CACNA1C: variants seen among roughly 807,000 people sequenced by gnomAD.
The protein encoded by CACNA1C is calcium voltage-gated channel subunit alpha1 C, also known as voltage-dependent L-type calcium channel subunit alpha-1C.
CACNA1C carries 30 observed loss-of-function variants against 229.0 expected under a neutral mutation model. The observed-to-expected ratio is 0.13, with a 90% confidence interval of 0.10 to 0.18. CACNA1C has a LOEUF of 0.18. Among genes scored for constraint, CACNA1C ranks in the 10% least tolerant of loss-of-function variants. CACNA1C has a pLI of 1.00. For missense variants in CACNA1C, 1,658 were observed against 2,845.0 expected, an observed-to-expected ratio of 0.58 and a Z score of 9.49; for synonymous variants, 1,114 against 1,132.5, an observed-to-expected ratio of 0.98 and a Z score of 0.33.
rs79530069 is a variant in CACNA1C at position 2,155,110 on chromosome 12, C to T, written c.477+34680C>T. Among the ~76,000 whole-genome samples the T allele has an allele frequency of 9.8e-4, 149 of 152,236 alleles. 3 individuals carry two copies. The East Asian group carries it at 0.022, about 23-fold the overall frequency. ...CATAATTCTCTTGCAATCCCACAGG[C>T]GCACACATACACAGAGGCGTCACAC... On this transcript the variant is annotated intron_variant, in intron 3 of 46. Transcript: ENST00000399655.
At chr12:2,517,648 G>C (rs2099800073) in intron 9 of CACNA1C, among the ~76,000 whole-genome samples, 1 of 152,186 alleles carries the variant, frequency 6.6e-6, no homozygotes, top group East Asian at 1.9e-4. Flanking sequence ...TCTAGTGACT[G>C]CTTCTCCCCT....
At chr12:2,245,263 C>G (rs1468903311) in intron 3 of CACNA1C, among the ~76,000 whole-genome samples, 2 of 152,222 alleles carry the variant, frequency 1.3e-5, no homozygotes. Context: ...GCTGAGTCCT[C>G]CCTCCAGGAA....
Position 2,566,669 on chromosome 12 carries a change from T to A in CACNA1C, c.1669+87T>A. ...GGAGGGCATAACCACAGGCAGAAGG[T>A]GGAGGGGAAAGCAGCCAATGGTCGG... On this transcript the variant is annotated intron_variant, in intron 12 of 46. Coordinates refer to ENST00000399655, the MANE Select transcript of CACNA1C (RefSeq NM_000719.7). The surrounding 1 kb of genome is among the most constrained non-coding windows in gnomAD (Gnocchi z 4.0). The A allele has an allele frequency of 8.4e-7, 1 of 1,187,620 alleles. No homozygotes were observed. Among genetic ancestry groups the A allele is most frequent in the Non-Finnish European group, 1.2e-6 (1 of 848,452 alleles). The allele number at this position is 1,187,620 out of a possible 1,614,324, so 73.6% of individuals were successfully genotyped here. A position where few individuals can be genotyped will look rare whatever the true frequency, so the allele number is the denominator to read the frequency against.
In CACNA1C at chr12:2,651,508, G is replaced by A. The variant is rs113160925; in HGVS notation, c.3946-132G>A. 4.9e-5 allele frequency: 67 copies of A among 1,371,782 alleles called. 1 individual carries two copies. Among genetic ancestry groups the A allele is most frequent in the African/African-American group, 4.6e-4 (32 of 70,148 alleles). 85.0% of individuals were successfully genotyped at this position (1,371,782 alleles called of 1,614,324 possible). ...GGCGGCCGCCCTCCCATCGGAGGGG[G>A]AAGTCTAGTGCAGCAAACCCTGGCC... is the stretch of plus-strand genomic sequence containing the variant. On this transcript the variant is annotated intron_variant, in intron 31 of 46. Transcript: ENST00000399655. The surrounding 1 kb of genome is among the most constrained non-coding windows in gnomAD (Gnocchi z 5.4).
chr12:2,650,044 C>T (rs544358529), intron 31 of CACNA1C, among the ~76,000 whole-genome samples: 73 of 152,296 alleles, frequency 4.8e-4, no homozygotes, highest in African/African-American at 1.7e-3. Context: ...CTCAGGTACC[C>T]GTGCAGCAGG....
rs1347379467 is a variant in CACNA1C at position 2,566,419 on chromosome 12, C to T, written c.1509-3C>T. 6.3e-7 allele frequency: 1 copy of T among 1,587,364 alleles called. No individual in the cohort carries two copies. Among genetic ancestry groups the T allele is most frequent in the East Asian group, 2.3e-5 (1 of 43,496 alleles). ...CACCCTTCTCTCCCTGTCCCCTTTC[C>T]AGCCGCTACTGGCGCCGGTGGAATC... On this transcript the variant is annotated splice_region_variant and splice_polypyrimidine_tract_variant and intron_variant, in intron 11 of 46. Transcript: ENST00000399655. The surrounding 1 kb of genome is among the most constrained non-coding windows in gnomAD (Gnocchi z 4.0).
Position 2,337,622 on chromosome 12 carries a change from T to C in CACNA1C, c.478-111354T>C, listed in dbSNP as rs377114591. Among the ~76,000 whole-genome samples the C allele has an allele frequency of 2.8e-3, 425 of 152,396 alleles. 3 individuals carry two copies. Among genetic ancestry groups the C allele is most frequent in the African/African-American group, 9.6e-3 (400 of 41,600 alleles). ...CTGAACTAAGCTGCTGACAAAATAC[T>C]GTCTCAGCCCTTTAATAATAATAGC... On this transcript the variant is annotated intron_variant, in intron 3 of 46. Transcript: ENST00000399655.
chr12:2,469,780 A>T (rs1215927078), intron 5 of CACNA1C, among the ~76,000 whole-genome samples: 3 of 152,184 alleles, frequency 2.0e-5, no homozygotes, highest in Admixed American at 6.5e-5. Context: ...AAATACTTTT[A>T]AAAAAATAAT....
intron 3 of CACNA1C, among the ~76,000 whole-genome samples, chr12:2,211,039 A>G (rs1294208448): frequency 6.6e-6 from 1 of 152,196 alleles, no homozygotes; most frequent in Non-Finnish European, 1.5e-5. Flanking sequence ...CATTCAAAAG[A>G]GTTCTATTCT....
intron 9 of CACNA1C, among the ~76,000 whole-genome samples, chr12:2,538,372 GGAAGCT>G (rs767269808): frequency 6.6e-6 from 1 of 152,164 alleles, no homozygotes; most frequent in Non-Finnish European, 1.5e-5. Flanking sequence ...AGAAGGTTCT[GGAAGCT>G]GATGGCACCT....
chr12:2,583,043 G>A (rs1229906987), intron 15 of CACNA1C, 101 bp downstream of exon 15: 1 of 809,268 alleles, frequency 1.2e-6, no homozygotes, highest in Admixed American at 2.1e-5. Context: ...GTCCTGCTCG[G>A]GCTCACACCA....
At chr12:2,140,854 C>T (rs959797507) in intron 3 of CACNA1C, among the ~76,000 whole-genome samples, 6 of 151,396 alleles carry the variant, frequency 4.0e-5, no homozygotes, top group Non-Finnish European at 5.9e-5. Flanking sequence ...CTTATGATGC[C>T]AGCCAATAAA....
chr12:2,367,760 T>C (rs757450457), intron 3 of CACNA1C, among the ~76,000 whole-genome samples: 12 of 152,164 alleles, frequency 7.9e-5, no homozygotes, highest in African/African-American at 2.4e-4. Context: ...CATAAGAGAA[T>C]GAATGCTATT....
intron 1 of CACNA1C, among the ~76,000 whole-genome samples, chr12:2,009,229 A>C (rs996702591): frequency 2.6e-5 from 4 of 152,224 alleles, no homozygotes; most frequent in Admixed American, 2.0e-4. Context: ...ATTTAAAACA[A>C]GTTTGTAGAA....
At chr12:2,106,473 A>G (rs2078663865) in intron 1 of CACNA1C, among the ~76,000 whole-genome samples, 1 of 90,412 alleles carries the variant, frequency 1.1e-5, no homozygotes. Flanking sequence ...TCCTGAAGCC[A>G]CTGGGAGCCC....
intron 3 of CACNA1C, among the ~76,000 whole-genome samples, chr12:2,177,630 C>CCT (rs1566165452): frequency 1.4e-5 from 1 of 70,698 alleles, no homozygotes; most frequent in Admixed American, 1.7e-4. Flanking sequence ...CCTTCCTTCT[C>CCT]TCTCTCTTTC....
chr12:2,554,335 CT>C (rs1228215628), intron 10 of CACNA1C, among the ~76,000 whole-genome samples: 2 of 152,188 alleles, frequency 1.3e-5, no homozygotes, highest in Non-Finnish European at 2.9e-5. Context: ...TGGATCTGTT[CT>C]GATGGTCTCA....
intron 9 of CACNA1C, among the ~76,000 whole-genome samples, chr12:2,517,591 C>T (rs1598662193): frequency 6.6e-6 from 1 of 152,206 alleles, no homozygotes; most frequent in East Asian, 1.9e-4. Context: ...GAGCCAAGCC[C>T]CTTTTCTCTC....
chr12:2,425,068 G>A (rs1855798316), intron 3 of CACNA1C, among the ~76,000 whole-genome samples: 2 of 152,264 alleles, frequency 1.3e-5, no homozygotes, highest in Admixed American at 1.3e-4. Flanking sequence ...GCTAATGCAG[G>A]CCCTGGCTGT....
Sources: gnomAD v4.1 joint callset for allele counts (sites outside exome capture counted in the v4.1 genomes callset) on GRCh38, gnomAD v4.1.1 for gene constraint, Gnocchi (gnomAD v3.1) non-coding constraint, MANE v1.5 for transcripts, NCBI Gene and HGNC (gene_info 2026-07-23, HGNC 2026-07-21) for gene names.